The following IMPG2 variants were observed in gnomAD, a reference collection of about 807,000 sequenced individuals.
IMPG2 encodes interphotoreceptor matrix proteoglycan 2.
Under a neutral mutation model 129.2 loss-of-function variants are expected in IMPG2, and 91 were observed. The observed-to-expected ratio is 0.70, with a 90% CI of 0.59 to 0.84. The LOEUF (loss-of-function observed/expected upper bound fraction) is 0.84, where lower values mean the gene tolerates loss of function less well. Ranked by LOEUF, IMPG2 falls within the 40% of genes least tolerant of loss-of-function variation. The pLI is 0.00. For synonymous variants in IMPG2, 510 were observed against 517.7 expected (o/e 0.99, Z 0.20); for missense variants, 1,430 against 1,461.7 (o/e 0.98, Z 0.35).
chr3:101,277,968 C>T (rs1706855747), intron 4 of IMPG2, among the ~76,000 whole-genome samples: 1 of 152,112 alleles, frequency 6.6e-6, no homozygotes, highest in African/African-American at 2.4e-5. Flanking sequence ...GGCACAGTGG[C>T]TCATGCCTGT....
chr3:101,286,588 T>G (rs772029861), intron 4 of IMPG2, among the ~76,000 whole-genome samples: 8 of 152,198 alleles, frequency 5.3e-5, no homozygotes, highest in Non-Finnish European at 7.4e-5. Flanking sequence ...TGCTTGGAAA[T>G]TATACTGCCT....
At position 101,244,062 on chromosome 3, in the gene IMPG2, CA is replaced by C. The variant is rs771980888; in HGVS notation, c.2268del (p.Tyr756Ter). 31 of 1,614,018 alleles carry C rather than the reference CA, an allele frequency of 1.9e-5. No individual in the cohort carries two copies. Among genetic ancestry groups the C allele is most frequent in the Non-Finnish European group, 2.6e-5 (31 of 1,180,036 alleles). ...DMEQITESSN[Y>X]EWFDSEVSMV... ...ATTGAAACCTCACTGTCAAACCATT[CA>C]TAGTTGGATGACTCAGTAATTTGTT... is the stretch of plus-strand genomic sequence containing the variant. On this transcript the variant is annotated frameshift_variant, in exon 13 of 19. Coordinates refer to ENST00000193391, the MANE Select transcript of IMPG2 (RefSeq NM_016247.4). LOFTEE classifies it high-confidence loss of function.
At chr3:101,276,340 C>T (rs1031358166) in intron 5 of IMPG2, among the ~76,000 whole-genome samples, 2 of 152,010 alleles carry the variant, frequency 1.3e-5, no homozygotes, top group African/African-American at 2.4e-5. Context: ...CAAATGGTGG[C>T]GTTAGAATGG....
chr3:101,234,771 C>T (rs1706328371), intron 14 of IMPG2, among the ~76,000 whole-genome samples: 2 of 152,158 alleles, frequency 1.3e-5, no homozygotes, highest in African/African-American at 4.8e-5. Context: ...AATGGAAGTT[C>T]AAGAGCTTCT....
chr3:101,318,544 A>G (rs182812711), intron 2 of IMPG2, among the ~76,000 whole-genome samples: 1 of 152,292 alleles, frequency 6.6e-6, no homozygotes, highest in African/African-American at 2.4e-5. Flanking sequence ...TTTGATGAGA[A>G]GGGAAGAAGG....
At chr3:101,319,181 T>G (rs2058798516) in intron 2 of IMPG2, among the ~76,000 whole-genome samples, 1 of 152,148 alleles carries the variant, frequency 6.6e-6, no homozygotes, top group South Asian at 2.1e-4. Flanking sequence ...ATTTTTGAAG[T>G]GCTTAAAAAG....
At chr3:101,263,101 T>G (rs563844150) in intron 9 of IMPG2, among the ~76,000 whole-genome samples, 23 of 152,104 alleles carry the variant, frequency 1.5e-4, no homozygotes, top group African/African-American at 5.5e-4. Context: ...CAATAACAGT[T>G]GAGGACTTCA....
At chr3:101,305,468 T>C (rs1707179326) in intron 2 of IMPG2, among the ~76,000 whole-genome samples, 1 of 152,150 alleles carries the variant, frequency 6.6e-6, no homozygotes, top group Non-Finnish European at 1.5e-5. Context: ...TGAACCCTAA[T>C]GTTAACTATG....
chr3:101,241,219 A>C (rs1287941306), intron 14 of IMPG2, among the ~76,000 whole-genome samples: 3 of 152,228 alleles, frequency 2.0e-5, no homozygotes, highest in African/African-American at 7.2e-5. Flanking sequence ...GGGGAAAAGA[A>C]CATTGTACTG....
intron 9 of IMPG2, among the ~76,000 whole-genome samples, chr3:101,259,283 C>G (rs1443671536): frequency 6.6e-6 from 1 of 152,088 alleles, no homozygotes; most frequent in Non-Finnish European, 1.5e-5. Flanking sequence ...ACAAACCACT[C>G]AAGACAGACG....
At chr3:101,295,878 G>A (rs1259915914) in intron 3 of IMPG2, among the ~76,000 whole-genome samples, 1 of 152,182 alleles carries the variant, frequency 6.6e-6, no homozygotes, top group African/African-American at 2.4e-5. Flanking sequence ...TATAATTGGT[G>A]TATAGGAATG....
chr3:101,307,551 C>T (rs1262889812), intron 2 of IMPG2, among the ~76,000 whole-genome samples: 1 of 152,136 alleles, frequency 6.6e-6, no homozygotes, highest in East Asian at 1.9e-4. Flanking sequence ...TGGGGGAAAG[C>T]CCCTTAAAAA....
intron 10 of IMPG2, among the ~76,000 whole-genome samples, chr3:101,255,109 T>C (rs933021836): frequency 1.1e-4 from 16 of 152,086 alleles, no homozygotes; most frequent in Non-Finnish European, 2.2e-4. Context: ...ACCTCTTTCC[T>C]TCATAAATTA....
At chr3:101,319,494 C>T in intron 2 of IMPG2, 90 bp downstream of exon 2, 2 of 1,496,154 alleles carry the variant, frequency 1.3e-6, no homozygotes, top group Non-Finnish European at 1.8e-6. Context: ...TCTAAATTAT[C>T]GTAAATTTTG....
intron 4 of IMPG2, among the ~76,000 whole-genome samples, chr3:101,279,913 A>C (rs908852334): frequency 1.3e-5 from 2 of 152,230 alleles, no homozygotes; most frequent in Non-Finnish European, 2.9e-5. Flanking sequence ...GAGACAGTAA[A>C]GAACACTTAA....
At chr3:101,228,460 AT>A (rs1026035612) in intron 18 of IMPG2, among the ~76,000 whole-genome samples, 1 of 152,206 alleles carries the variant, frequency 6.6e-6, no homozygotes, top group African/African-American at 2.4e-5. Flanking sequence ...TGAAAAGACT[AT>A]GTGTAGTCCA....
chr3:101,230,959 GA>G lies in IMPG2; in HGVS notation c.3419del (p.Phe1140SerfsTer18). 6.2e-7 allele frequency: 1 copy of G among 1,611,132 alleles called. No homozygotes were observed. Among genetic ancestry groups the G allele is most frequent in the Non-Finnish European group, 8.5e-7 (1 of 1,177,350 alleles). On this transcript the variant is annotated frameshift_variant, in exon 16 of 19. Coordinates refer to ENST00000193391, the MANE Select transcript of IMPG2 (RefSeq NM_016247.4). LOFTEE classifies it high-confidence loss of function. The stretch of plus-strand genomic sequence containing the variant: ...AGAGAGCTCTTTTCCTTATTTACCT[GA>G]AGGGACTCTCTCTTTCACTCCTGTC... Reference protein sequence around the residue: ...HHDRSERESPFSGSSRQPDSL... With the variant: ...HHDRSERESPXSGSSRQPDSL...
At chr3:101,280,237 A>C (rs2107257005) in intron 4 of IMPG2, among the ~76,000 whole-genome samples, 1 of 152,348 alleles carries the variant, frequency 6.6e-6, no homozygotes, top group Middle Eastern at 3.4e-3. Flanking sequence ...GCCACATAGA[A>C]CATATATTTA....
At chr3:101,262,210 AG>A (rs993972383) in intron 9 of IMPG2, among the ~76,000 whole-genome samples, 3 of 152,106 alleles carry the variant, frequency 2.0e-5, no homozygotes, top group African/African-American at 7.2e-5. Context: ...ATACTGAAAA[AG>A]CCTGAAGCTA....
Sources: allele counts gnomAD v4.1 joint callset (sites outside exome capture counted in the v4.1 genomes callset), GRCh38; gene constraint gnomAD v4.1.1; transcripts MANE v1.5; gene names NCBI Gene and HGNC (gene_info 2026-07-23, HGNC 2026-07-21).